The following EXD3 variants were observed in gnomAD, a reference collection of about 807,000 sequenced individuals.
The protein encoded by EXD3 is exonuclease mut-7 homolog.
EXD3 carries 92 observed loss-of-function variants against 98.0 expected under a neutral mutation model. That is an observed-to-expected ratio of 0.94 (90% CI 0.79 to 1.12). The LOEUF (loss-of-function observed/expected upper bound fraction) is 1.12, where lower values mean the gene tolerates loss of function less well. Among genes scored for constraint, EXD3 ranks in the 50% most tolerant of loss-of-function variants. The pLI is 0.00. For synonymous variants in EXD3, 569 were observed against 526.0 expected, an observed-to-expected ratio of 1.08 and a Z score of -1.12; for missense variants, 1,222 against 1,191.6, an observed-to-expected ratio of 1.03 and a Z score of -0.38.
intron 17 of EXD3, among the ~76,000 whole-genome samples, chr9:137,330,238 C>A (rs1449823191): frequency 7.0e-6 from 1 of 141,866 alleles, no homozygotes; most frequent in Non-Finnish European, 1.5e-5. Context: ...CACAGGACTA[C>A]ACAGGAGCTA....
intron 8 of EXD3, among the ~76,000 whole-genome samples, chr9:137,355,349 A>G (rs1834577452): frequency 2.0e-5 from 3 of 151,788 alleles, no homozygotes; most frequent in Admixed American, 6.6e-5. Context: ...CCGACCTTTC[A>G]GGGCCCCACC....
At chr9:137,310,741 G>C (rs1189897825) in intron 19 of EXD3, among the ~76,000 whole-genome samples, 1 of 152,344 alleles carries the variant, frequency 6.6e-6, no homozygotes, top group Admixed American at 6.5e-5. Context: ...TGCCCACTGA[G>C]AGCCAGGTCC....
intron 19 of EXD3, among the ~76,000 whole-genome samples, chr9:137,319,571 A>G (rs1353342293): frequency 2.0e-5 from 3 of 152,184 alleles, no homozygotes; most frequent in Non-Finnish European, 4.4e-5. Context: ...AGAACTTTCT[A>G]GAGCACATGG....
At chr9:137,391,137 G>A (rs1836883745) in intron 2 of EXD3, among the ~76,000 whole-genome samples, 1 of 152,324 alleles carries the variant, frequency 6.6e-6, no homozygotes, top group African/African-American at 2.4e-5. Flanking sequence ...TTCCTCAGGT[G>A]TCCCCACGTC....
At chr9:137,415,715 G>A (rs1328589665) in intron 1 of EXD3, among the ~76,000 whole-genome samples, 2 of 152,222 alleles carry the variant, frequency 1.3e-5, no homozygotes, top group South Asian at 2.1e-4. Flanking sequence ...GACGGGGCTG[G>A]GGCCAACAGT....
chr9:137,329,247 AGCTACACGGG>A (rs1315002518), intron 17 of EXD3, among the ~76,000 whole-genome samples: 1 of 4,602 alleles, frequency 2.2e-4, no homozygotes, highest in Non-Finnish European at 3.1e-4. Context: ...GCTACACGGG[AGCTACACGGG>A]GCTACACGGG....
chr9:137,371,256 G>A lies in EXD3; in HGVS notation c.462+1649C>T, dbSNP rs1835582434. Reference sequence around the variant, plus strand: ...GCAGGCACGGCCGCCATTCAGCGTCGCGCCACATGAGGGGGACCCTCCATC... The same window carrying A: ...GCAGGCACGGCCGCCATTCAGCGTCACGCCACATGAGGGGGACCCTCCATC... On this transcript the variant is annotated intron_variant, in intron 5 of 21. Transcript: ENST00000340951. The surrounding 1 kb of genome is among the most constrained non-coding windows in gnomAD (Gnocchi z 8.0). 2.0e-5 allele frequency among the ~76,000 whole-genome samples: 3 copies of A among 152,320 alleles called. No individual in the cohort carries two copies. Among genetic ancestry groups the A allele is most frequent in the South Asian group, 4.1e-4 (2 of 4,832 alleles).
chr9:137,336,509 A>C (rs559956408), intron 17 of EXD3, among the ~76,000 whole-genome samples: 1 of 152,190 alleles, frequency 6.6e-6, no homozygotes, highest in East Asian at 1.9e-4. Context: ...AAAAATACAA[A>C]CATTAGCTGG....
At chr9:137,307,462 C>T in intron 21 of EXD3, 146 bp downstream of exon 21, 1 of 1,272,206 alleles carries the variant, frequency 7.9e-7, no homozygotes, top group Non-Finnish European at 1.1e-6. Flanking sequence ...GGACCCCACC[C>T]CTCACCTTGC....
At chr9:137,339,700 G>C (rs1400045473) in intron 17 of EXD3, among the ~76,000 whole-genome samples, 1 of 152,098 alleles carries the variant, frequency 6.6e-6, no homozygotes, top group Non-Finnish European at 1.5e-5. Context: ...GCATTAGGTA[G>C]GTCGAATTCA....
chr9:137,350,393 C>T (rs1293828500), intron 14 of EXD3, among the ~76,000 whole-genome samples: 33 of 49,990 alleles, frequency 6.6e-4, no homozygotes, highest in African/African-American at 2.6e-3. Flanking sequence ...GTGGGGATCA[C>T]GGGGAGGGGT....
chr9:137,352,094 A>C lies in EXD3; in HGVS notation c.1145T>G (p.Leu382Arg). The C allele has an allele frequency of 6.2e-7, 1 of 1,612,450 alleles. No individual in the cohort carries two copies. Among genetic ancestry groups the C allele is most frequent in the Non-Finnish European group, 8.5e-7 (1 of 1,179,650 alleles). The change falls in exon 12 of 22, where the codon CTG (leucine) becomes CGG (arginine). Residue 382 changes from leucine to arginine, a missense_variant. Transcript: ENST00000340951. Reference protein sequence around the residue: ...NVHLLASWEDLTRHEGALLQC... With the variant: ...NVHLLASWEDRTRHEGALLQC... ...CAGGAGTGCACCCTCGTGTCTGGTC[A>C]GGTCTTCCCACGAGGCCAGGAGGTG...
In EXD3 at chr9:137,403,446, C is replaced by T. The variant is rs1404585123; in HGVS notation, c.-47-8042G>A. Among the ~76,000 whole-genome samples, 1 of 152,032 alleles carries T rather than the reference C, an allele frequency of 6.6e-6. No homozygotes were observed. The highest frequency in any genetic ancestry group is 1.5e-5 in the Non-Finnish European group (1 of 68,014). Reference sequence around the variant, plus strand: ...CCCAGCAGCAGCAGCAGCCAGCACACCCTGGCCCAGGGTCTCCGAGGGTCG... The same window carrying T: ...CCCAGCAGCAGCAGCAGCCAGCACATCCTGGCCCAGGGTCTCCGAGGGTCG... On this transcript the variant is annotated intron_variant, in intron 1 of 21. Coordinates refer to ENST00000340951, the MANE Select transcript of EXD3 (RefSeq NM_017820.5). This position sits in a 1 kb window ranked among gnomAD's most constrained non-coding sequence, Gnocchi z 6.1.
intron 17 of EXD3, among the ~76,000 whole-genome samples, chr9:137,327,395 A>G (rs1189344274): frequency 6.6e-6 from 1 of 152,068 alleles, no homozygotes; most frequent in Non-Finnish European, 1.5e-5. Context: ...GGCCTCCCAA[A>G]GTGCTGGGAT....
chr9:137,348,173 C>T lies in EXD3; in HGVS notation c.1896G>A (p.Val632=). The stretch of plus-strand genomic sequence containing the variant: ...GCCCCTGCAGCATGTTGTCACACAC[C>T]ACACGGAAGGCCCTGGCCGGAATCT... ...APQIPARAFR[V]VCDNMLQGLA... is the part of the protein sequence containing the mutation. The change falls in exon 17 of 22, where the codon GTG becomes GTA. Residue 632 remains valine (V), a synonymous_variant. Transcript: ENST00000340951. 6.2e-7 allele frequency: 1 copy of T among 1,612,106 alleles called. No individual in the cohort carries two copies. The highest frequency in any genetic ancestry group is 1.3e-5 in the African/African-American group (1 of 74,956).
intron 17 of EXD3, among the ~76,000 whole-genome samples, chr9:137,342,929 G>A (rs561842498): frequency 1.1e-4 from 17 of 152,286 alleles, no homozygotes; most frequent in African/African-American, 3.6e-4. Context: ...AGACCATCCC[G>A]GCCAACATGG....
At chr9:137,318,778 A>G (rs1441936897) in intron 19 of EXD3, among the ~76,000 whole-genome samples, 4 of 152,166 alleles carry the variant, frequency 2.6e-5, no homozygotes, top group South Asian at 2.1e-4. Context: ...AGCCGGCACC[A>G]GCAACCCCAG....
At chr9:137,356,443 G>C (rs1834795038) in intron 7 of EXD3, 75 bp from the exon 8 acceptor site, 6 of 1,001,448 alleles carry the variant, frequency 6.0e-6, no homozygotes, top group Non-Finnish European at 9.1e-6. Flanking sequence ...TTTCATCATA[G>C]TCATATGCAT....
At chr9:137,373,631 G>T (rs779820905) in intron 3 of EXD3, 32 bp from the exon 4 acceptor site, 65 of 1,564,286 alleles carry the variant, frequency 4.2e-5, no homozygotes, top group Non-Finnish European at 5.5e-5. Flanking sequence ...CTGGCACTTT[G>T]TCTTGCACTC....
Sources: gnomAD v4.1 joint callset for allele counts (sites outside exome capture counted in the v4.1 genomes callset) on GRCh38, gnomAD v4.1.1 for gene constraint, Gnocchi (gnomAD v3.1) non-coding constraint, MANE v1.5 for transcripts, NCBI Gene and HGNC (gene_info 2026-07-23, HGNC 2026-07-21) for gene names.